The following ZC3H11A variants were observed in gnomAD, a reference collection of about 807,000 sequenced individuals.
ZC3H11A encodes the protein zinc finger CCCH-type containing 11A.
A neutral mutation model predicts 90.8 loss-of-function variants in ZC3H11A; 22 were observed. That is an observed-to-expected ratio of 0.24 (90% confidence interval 0.17 to 0.35). The LOEUF is 0.35. ZC3H11A is among the 10% of genes least tolerant of loss of function. ZC3H11A has a pLI of 1.00. For synonymous variants in ZC3H11A, 294 were observed against 339.8 expected (o/e 0.87, Z 1.48); for missense variants, 701 against 964.9 (o/e 0.73, Z 3.62).
rs774771270 is a variant in ZC3H11A, at chr1:203,830,925, A to ATTTTTTTTTTTTT, written c.701-710_701-698dup. Among the ~76,000 whole-genome samples, 9 of 51,386 alleles carry ATTTTTTTTTTTTT rather than the reference A, an allele frequency of 1.8e-4. 1 individual carries two copies. The highest frequency in any genetic ancestry group is 4.3e-4 in the African/African-American group (6 of 14,090). The allele number at this position is 51,386 out of a possible 152,430, so 33.7% of individuals were successfully genotyped here. On this transcript the variant is annotated intron_variant, in intron 8 of 17. Coordinates refer to ENST00000367210, the MANE Select transcript of ZC3H11A (RefSeq NM_001376342.1). The stretch of plus-strand genomic sequence containing the variant: ...GATTGCTCTGTATTTCCAACCCCCA[A>ATTTTTTTTTTTTT]TTTTTTTTTTTTTTTTTTTTTTTTT...
At chr1:203,842,843 T>C (rs1271071482) in intron 12 of ZC3H11A, among the ~76,000 whole-genome samples, 1 of 151,600 alleles carries the variant, frequency 6.6e-6, no homozygotes, top group African/African-American at 2.4e-5. Flanking sequence ...ATTTTTTAAA[T>C]TATGAAATAT....
chr1:203,833,037 C>T (rs973057774), intron 9 of ZC3H11A, among the ~76,000 whole-genome samples: 4 of 151,536 alleles, frequency 2.6e-5, no homozygotes, highest in Non-Finnish European at 5.9e-5. Flanking sequence ...AGTTCAAGAC[C>T]AGCCTGGCCA....
At chr1:203,815,200 T>C (rs1201023748) in intron 2 of ZC3H11A, among the ~76,000 whole-genome samples, 1 of 104,176 alleles carries the variant, frequency 9.6e-6, no homozygotes, top group Admixed American at 1.2e-4. Context: ...TTTCATTATT[T>C]TCTTCCTTTT....
chr1:203,823,247 G>C (rs186275512), intron 4 of ZC3H11A, among the ~76,000 whole-genome samples: 160 of 152,282 alleles, frequency 1.1e-3, no homozygotes, highest in African/African-American at 3.6e-3. Flanking sequence ...GATCATAAGA[G>C]AAAAAGACAC....
chr1:203,798,842 G>T, intron 1 of ZC3H11A: 3 of 1,536,106 alleles, frequency 2.0e-6, no homozygotes, highest in East Asian at 4.9e-5. Context: ...TGCAGATTGT[G>T]GCCCCTGATT....
intron 16 of ZC3H11A, 112 bp from the exon 17 acceptor site, chr1:203,850,945 C>A: frequency 7.6e-7 from 1 of 1,318,898 alleles, no homozygotes; most frequent in Non-Finnish European, 1.1e-6. Flanking sequence ...TTCTTAGATT[C>A]ACAGGCTTAA....
chr1:203,829,919 C>T (rs1681707106), intron 7 of ZC3H11A, 23 bp downstream of exon 7: 3 of 1,589,928 alleles, frequency 1.9e-6, no homozygotes, highest in African/African-American at 2.7e-5. Flanking sequence ...TAGATTGGTG[C>T]CTCTTATAGC....
chr1:203,816,789 G>A (rs1676530604), intron 2 of ZC3H11A, 137 bp from the exon 3 acceptor site: 2 of 316,182 alleles, frequency 6.3e-6, no homozygotes, highest in Non-Finnish European at 1.2e-5. Flanking sequence ...TTCGCAATCA[G>A]TGTGTTTACA....
At chr1:203,825,878 C>G (rs1044489358) in intron 4 of ZC3H11A, among the ~76,000 whole-genome samples, 3 of 152,034 alleles carry the variant, frequency 2.0e-5, no homozygotes, top group Non-Finnish European at 4.4e-5. Flanking sequence ...GCATTTATTT[C>G]CATTTTCCAA....
At chr1:203,818,976 G>A (rs1460388103) in intron 4 of ZC3H11A, among the ~76,000 whole-genome samples, 2 of 151,402 alleles carry the variant, frequency 1.3e-5, no homozygotes, top group Non-Finnish European at 2.9e-5. Flanking sequence ...GGCTGAGGCA[G>A]GAAAATCGCT....
At chr1:203,832,365 ATT>A (rs575486286) in intron 9 of ZC3H11A, among the ~76,000 whole-genome samples, 4 of 143,438 alleles carry the variant, frequency 2.8e-5, no homozygotes, top group African/African-American at 2.5e-5. Context: ...TTGGCCATTA[ATT>A]TTTTTTTTTT....
intron 2 of ZC3H11A, among the ~76,000 whole-genome samples, chr1:203,803,233 C>G (rs1671067391): frequency 6.6e-6 from 1 of 152,016 alleles, no homozygotes; most frequent in African/African-American, 2.4e-5. Context: ...CTCTTGTCCC[C>G]TAGGCTGGAG....
intron 2 of ZC3H11A, among the ~76,000 whole-genome samples, chr1:203,811,263 G>A (rs1340194632): frequency 6.6e-6 from 1 of 152,048 alleles, no homozygotes; most frequent in Non-Finnish European, 1.5e-5. Flanking sequence ...AGCTGAGGTC[G>A]TGCCATTGCA....
intron 3 of ZC3H11A, 120 bp from the exon 4 acceptor site, chr1:203,818,450 A>G: frequency 7.5e-7 from 1 of 1,327,348 alleles, no homozygotes; most frequent in South Asian, 1.3e-5. Context: ...ATTGTTTTTT[A>G]CCTTACCAGT....
At chr1:203,818,740 G>T in intron 4 of ZC3H11A, 51 bp downstream of exon 4, 2 of 1,610,876 alleles carry the variant, frequency 1.2e-6, no homozygotes, top group Non-Finnish European at 1.7e-6. Flanking sequence ...GACCTGGTGG[G>T]CCAATAAAAA....
chr1:203,850,079 A>T, intron 15 of ZC3H11A, 53 bp downstream of exon 15: 1 of 1,557,238 alleles, frequency 6.4e-7, no homozygotes, highest in South Asian at 1.2e-5. Context: ...TACCAAATTC[A>T]ACCCAATTGT....
chr1:203,824,920 CA>C (rs1342233845), intron 4 of ZC3H11A, among the ~76,000 whole-genome samples: 2 of 151,370 alleles, frequency 1.3e-5, no homozygotes, highest in South Asian at 4.2e-4. Context: ...ACTAAAAATA[CA>C]AAAAAATTAG....
chr1:203,835,778 C>G (rs776467172), intron 10 of ZC3H11A: 10 of 239,780 alleles, frequency 4.2e-5, no homozygotes, highest in Non-Finnish European at 4.7e-5. Flanking sequence ...AAGCACATCT[C>G]TTGCCCAAAT....
chr1:203,833,618 G>GTTT (rs553171669), intron 9 of ZC3H11A, among the ~76,000 whole-genome samples, 173 bp from the exon 10 acceptor site: 1 of 124,832 alleles, frequency 8.0e-6, no homozygotes, highest in East Asian at 2.3e-4. Flanking sequence ...ATAGGTTTGG[G>GTTT]TTTTTTTTTT....
Sources: gnomAD v4.1 joint callset for allele counts (sites outside exome capture counted in the v4.1 genomes callset) on GRCh38, gnomAD v4.1.1 for gene constraint, MANE v1.5 for transcripts, NCBI Gene and HGNC (gene_info 2026-07-23, HGNC 2026-07-21) for gene names.